Variants in HMCN2 observed in about 807,000 individuals in gnomAD.
The protein encoded by HMCN2 is hemicentin-2.
A neutral mutation model predicts 377.5 loss-of-function variants in HMCN2; 325 were observed. That is an observed-to-expected ratio of 0.86 (90% CI 0.79 to 0.94). The LOEUF is 0.94. HMCN2 is among the 40% of genes least tolerant of loss of function. The pLI is 0.00. For synonymous variants in HMCN2, 2,007 were observed against 2,046.8 expected (o/e 0.98, Z 0.53); for missense variants, 4,543 against 4,725.3 (o/e 0.96, Z 1.13).
chr9:130,351,472 GT>G lies in HMCN2; in HGVS notation c.4482del (p.Leu1495SerfsTer55). 7.7e-7 allele frequency: 1 copy of G among 1,304,288 alleles called. No homozygotes were observed. Among genetic ancestry groups the G allele is most frequent in the Non-Finnish European group, 1.0e-6 (1 of 988,958 alleles). The allele number at this position is 1,304,288 out of a possible 1,614,324, so 80.8% of individuals were successfully genotyped here. ...CCTGCAGGTCCAGGAGGATGGCCAG[GT>G]TCTCAGGATCACCGGCAGTCACGTG... is the stretch of plus-strand genomic sequence containing the variant. Reference protein sequence around the residue: ...PHLQVQEDGQVLRITGSHVGD... With the variant: ...PHLQVQEDGQXLRITGSHVGD... On this transcript the variant is annotated frameshift_variant, in exon 30 of 98. Transcript: ENST00000683500. LOFTEE classifies it high-confidence loss of function. The surrounding 1 kb of genome is among the most constrained non-coding windows in gnomAD (Gnocchi z 5.4).
At chr9:130,378,926 A>G (rs1468187074) in intron 53 of HMCN2, among the ~76,000 whole-genome samples, 7 of 152,276 alleles carry the variant, frequency 4.6e-5, no homozygotes, top group Admixed American at 3.3e-4. Context: ...TTGTGCCTCT[A>G]TGCTCTGATA....
intron 22 of HMCN2, among the ~76,000 whole-genome samples, chr9:130,327,923 C>T (rs1838231782): frequency 6.6e-6 from 1 of 152,164 alleles, no homozygotes; most frequent in Admixed American, 6.5e-5. Flanking sequence ...CTCAGCTGCT[C>T]CCGGTCCGGG....
Position 130,391,373 on chromosome 9 carries a change from G to A in HMCN2, c.9827+10G>A. 1 of 987,732 alleles carries A rather than the reference G, an allele frequency of 1.0e-6. No homozygotes were observed. The highest frequency in any genetic ancestry group is 1.2e-6 in the Non-Finnish European group (1 of 830,134). The allele number at this position is 987,732 out of a possible 1,614,324, so 61.2% of individuals were successfully genotyped here. ...TGGGCCCCCACCTCCGGTAAGACTT[G>A]GCCCATGCCCTCCCCAGAGGCGGTA... On this transcript the variant is annotated intron_variant, in intron 64 of 97. Coordinates refer to ENST00000683500, the MANE Select transcript of HMCN2 (RefSeq NM_001291815.2).
intron 61 of HMCN2, among the ~76,000 whole-genome samples, chr9:130,388,036 G>T (rs1842109720): frequency 6.6e-6 from 1 of 152,194 alleles, no homozygotes; most frequent in African/African-American, 2.4e-5. Flanking sequence ...GGTCCCTGAG[G>T]GCAAAGGCAT....
chr9:130,415,203 T>A (rs191817498), intron 85 of HMCN2, among the ~76,000 whole-genome samples: 1 of 152,312 alleles, frequency 6.6e-6, no homozygotes, highest in East Asian at 1.9e-4. Flanking sequence ...ATGGAAGATT[T>A]AAATAAGAGC....
In HMCN2 at chr9:130,286,284, C is replaced by T. The variant is rs1554927682; in HGVS notation, c.586C>T (p.His196Tyr). The change falls in exon 4 of 98, where the codon CAC becomes TAC. Residue 196 changes from histidine (H) to tyrosine (Y), a missense_variant. Around this residue, in one of 5 missense-constraint regions of HMCN2, gnomAD observed 547 missense variants for 189.9 expected, o/e 2.88. Transcript: ENST00000683500. ...TGCCACCAGCTCTGGGCAGGTGTTC[C>T]ACCTGGACAAGCAGCAAGTGACAGA... ...IAATSSGQVF[H>Y]LDKQQVTEVL... is the part of the protein sequence containing the mutation. The T allele has an allele frequency of 2.1e-6, 1 of 471,076 alleles. No homozygotes were observed. The highest frequency in any genetic ancestry group is 7.0e-5 in the East Asian group (1 of 14,380). 29.2% of individuals were successfully genotyped at this position (471,076 alleles called of 1,614,324 possible). A position where few individuals can be genotyped will look rare whatever the true frequency, so the allele number is the denominator to read the frequency against.
rs1386182373 is a variant in HMCN2 at position 130,433,484 on chromosome 9, G to T, written c.15031G>T (p.Val5011Phe). The change falls in exon 98 of 98, where the codon GTC becomes TTC. Residue 5011 changes from valine to phenylalanine, a missense_variant. Physicochemically the swap from Val to Phe is conservative, Grantham distance 50 (BLOSUM62 -1). Around this residue, in one of 5 missense-constraint regions of HMCN2, gnomAD observed 1,155 missense variants for 1,157.7 expected, o/e 1.00. Coordinates refer to ENST00000683500, the MANE Select transcript of HMCN2 (RefSeq NM_001291815.2). ...CCTCACCGCCTTCTCCGAGGTCGGC[G>T]TCCCCGCCAACCGCACCGAGCTCAG... is the stretch of plus-strand genomic sequence containing the variant. ...ARLTAFSEVG[V>F]PANRTELSML... is the part of the protein sequence containing the mutation. The T allele has an allele frequency of 1.3e-6, 2 of 1,499,032 alleles. No individual in the cohort carries two copies. The highest frequency in any genetic ancestry group is 2.8e-5 in the East Asian group (1 of 35,740). 92.9% of individuals were successfully genotyped at this position (1,499,032 alleles called of 1,614,324 possible).
At position 130,265,813 on chromosome 9, in the gene HMCN2, C is replaced by T. The variant is rs1036023966; in HGVS notation, c.-66C>T. On this transcript the variant is annotated 5_prime_UTR_variant, in exon 1 of 98. Transcript: ENST00000683500. ...CACTGCCTGCAGCCGCCGTGTGCACCGGGGCGGCCGGCTAGCTCCGACCTG... is the reference window on the plus strand; with the variant it reads ...CACTGCCTGCAGCCGCCGTGTGCACTGGGGCGGCCGGCTAGCTCCGACCTG... The T allele has an allele frequency of 1.9e-4, 55 of 287,574 alleles. No homozygotes were observed. Among genetic ancestry groups the T allele is most frequent in the South Asian group, 1.3e-3 (49 of 36,630 alleles). The allele number at this position is 287,574 out of a possible 1,614,324, so 17.8% of individuals were successfully genotyped here.
Position 130,375,601 on chromosome 9 carries a change from G to A in HMCN2, c.7669G>A (p.Asp2557Asn). 1.0e-6 allele frequency: 1 copy of A among 985,878 alleles called. No individual in the cohort carries two copies. Among genetic ancestry groups the A allele is most frequent in the Non-Finnish European group, 1.2e-6 (1 of 829,960 alleles). 61.1% of individuals were successfully genotyped at this position (985,878 alleles called of 1,614,324 possible). ...TILGGAEDSA[D>N]EEVTVTVNNP... ...CCTGGGAGGGGCCGAGGACAGTGCAGATGAGGAGGTGACCGTGACTGTCAA... is the reference window on the plus strand; with the variant it reads ...CCTGGGAGGGGCCGAGGACAGTGCAAATGAGGAGGTGACCGTGACTGTCAA... Residue 2557 changes from aspartate to asparagine, a missense_variant, in exon 50 of 98, where the codon GAT (aspartate) becomes AAT (asparagine). Coordinates refer to ENST00000683500, the MANE Select transcript of HMCN2 (RefSeq NM_001291815.2).
chr9:130,421,539 G>A (rs1844013328), intron 86 of HMCN2, among the ~76,000 whole-genome samples: 2 of 152,246 alleles, frequency 1.3e-5, no homozygotes, highest in African/African-American at 4.8e-5. Context: ...TGGCTTGCCT[G>A]CCGTGCCTGG....
intron 25 of HMCN2, among the ~76,000 whole-genome samples, chr9:130,346,080 G>A (rs927603180): frequency 0.076 from 11,627 of 152,176 alleles, 466 homozygotes; most frequent in East Asian, 0.12. Flanking sequence ...GATGACCAGC[G>A]GTAGCAGCAG....
chr9:130,412,910 A>G (rs1381589636), intron 85 of HMCN2, among the ~76,000 whole-genome samples: 1 of 152,124 alleles, frequency 6.6e-6, no homozygotes, highest in African/African-American at 2.4e-5. Flanking sequence ...TAGTTCTCAC[A>G]TTTAGGTCAG....
intron 71 of HMCN2, 132 bp from the exon 72 acceptor site, chr9:130,395,792 C>T (rs962180180): frequency 2.1e-6 from 2 of 960,494 alleles, no homozygotes; most frequent in African/African-American, 3.4e-5. Context: ...ACAGTCAGGG[C>T]CTGCGGTCAG....
In HMCN2 at chr9:130,371,121, CCTG is replaced by C. The variant is rs869118099; in HGVS notation, c.7231_7233del (p.Leu2411del). 1.0e-6 allele frequency: 1 copy of C among 985,900 alleles called. No homozygotes were observed. Among genetic ancestry groups the C allele is most frequent in the East Asian group, 1.1e-4 (1 of 8,820 alleles). The allele number at this position is 985,900 out of a possible 1,614,324, so 61.1% of individuals were successfully genotyped here. A position where few individuals can be genotyped will look rare whatever the true frequency, so the allele number is the denominator to read the frequency against. ...CTGTCAGCCCCGGGGAGGACACCTA[CCTG>C]CTGGCAGGTAAGATACCAGCTAAGG... On this transcript the variant is annotated inframe_deletion, in exon 46 of 98. Transcript: ENST00000683500.
At chr9:130,358,240 G>A in intron 35 of HMCN2, 150 bp from the exon 36 acceptor site, 2 of 913,210 alleles carry the variant, frequency 2.2e-6, no homozygotes, top group African/African-American at 1.7e-5. Flanking sequence ...TGGAATCCAA[G>A]TGCTTGGCTC....
rs959567792 is a variant in HMCN2 at position 130,343,105 on chromosome 9, T to C, written c.3829+669T>C. Among the ~76,000 whole-genome samples the C allele has an allele frequency of 6.4e-3, 978 of 152,296 alleles. 16 individuals are homozygous for C. Among genetic ancestry groups the C allele is most frequent in the African/African-American group, 0.023 (938 of 41,550 alleles). On this transcript the variant is annotated intron_variant, in intron 25 of 97. Coordinates refer to ENST00000683500, the MANE Select transcript of HMCN2 (RefSeq NM_001291815.2). ...CCACGCGTGCACAGGGCTGGCATCT[T>C]AGGAGGGCTCAGGAAATGTGGTGGA...
rs782001864 is a variant in HMCN2, at chr9:130,309,964, G to T, written c.2253G>T (p.Arg751=). The T allele has an allele frequency of 9.4e-6, 5 of 529,916 alleles. No homozygotes were observed. Among genetic ancestry groups the T allele is most frequent in the Non-Finnish European group, 1.9e-5 (5 of 257,974 alleles). The allele number at this position is 529,916 out of a possible 1,614,324, so 32.8% of individuals were successfully genotyped here. The change falls in exon 15 of 98, where the codon CGG becomes CGT. Residue 751 remains arginine (R), a synonymous_variant. Coordinates refer to ENST00000683500, the MANE Select transcript of HMCN2 (RefSeq NM_001291815.2). ...APEGSSSGKL[R]IPAAQERDAG... Reference sequence around the variant, plus strand: ...AGGGCTCCAGCTCTGGGAAGCTGCGGATCCCGGCGGCTCAGGAGAGGGATG... The same window carrying T: ...AGGGCTCCAGCTCTGGGAAGCTGCGTATCCCGGCGGCTCAGGAGAGGGATG...
At position 130,356,161 on chromosome 9, in the gene HMCN2, A is replaced by G. The variant is rs1840015739; in HGVS notation, c.5329A>G (p.Ile1777Val). ...GGCCTCGCAGGGGACCACACTGCAC[A>G]TTGACCATGTGGAGCTGGACCACTC... The part of the protein sequence containing the change: ...QVASQGTTLH[I>V]DHVELDHSGL... Residue 1777 changes from isoleucine (I) to valine (V), a missense_variant, in exon 34 of 98, where the codon ATT becomes GTT. Coordinates refer to ENST00000683500, the MANE Select transcript of HMCN2 (RefSeq NM_001291815.2). 1 of 1,302,980 alleles carries G rather than the reference A, an allele frequency of 7.7e-7. No individual in the cohort carries two copies. Among genetic ancestry groups the G allele is most frequent in the Non-Finnish European group, 1.0e-6 (1 of 988,830 alleles). The allele number at this position is 1,302,980 out of a possible 1,614,324, so 80.7% of individuals were successfully genotyped here.
chr9:130,307,386 G>T (rs1836931858), intron 13 of HMCN2, 67 bp from the exon 14 acceptor site: 1 of 466,428 alleles, frequency 2.1e-6, no homozygotes, highest in East Asian at 7.0e-5. Context: ...GCTCCCTGAA[G>T]CCGTGGAAGA....
Sources: allele counts gnomAD v4.1 joint callset (sites outside exome capture counted in the v4.1 genomes callset), GRCh38; gene constraint gnomAD v4.1.1; regional missense constraint gnomAD v4.1.1; non-coding constraint Gnocchi (gnomAD v3.1); transcripts MANE v1.5; gene names NCBI Gene and HGNC (gene_info 2026-07-23, HGNC 2026-07-21).